Variants in TBCD observed in about 807,000 individuals in gnomAD.
TBCD encodes the protein tubulin folding cofactor D.
Under a neutral mutation model 169.3 loss-of-function variants are expected in TBCD, and 105 were observed. That is an observed-to-expected ratio of 0.62 (90% CI 0.53 to 0.73). The LOEUF is 0.73. TBCD is among the 30% of genes least tolerant of loss of function. TBCD has a pLI of 0.00. For synonymous variants in TBCD, 700 were observed against 643.9 expected (o/e 1.09, Z -1.32); for missense variants, 1,444 against 1,600.1 (o/e 0.90, Z 1.66).
Position 82,923,805 on chromosome 17 carries a change from C to T in TBCD, c.2260+72C>T, listed in dbSNP as rs2061559432. On this transcript the variant is annotated intron_variant, in intron 26 of 38. Transcript: ENST00000355528. The surrounding 1 kb of genome is among the most constrained non-coding windows in gnomAD (Gnocchi z 4.6). ...GAAGCTGCTGGGGAGTGTCTGGGCA[C>T]GGAGGAGGCCTCGGTTGTGCAGTGG... is the stretch of plus-strand genomic sequence containing the variant. The T allele has an allele frequency of 2.2e-5, 29 of 1,305,414 alleles. No homozygotes were observed. The highest frequency in any genetic ancestry group is 2.6e-4 in the Middle Eastern group (1 of 3,882). 80.9% of individuals were successfully genotyped at this position (1,305,414 alleles called of 1,614,324 possible).
chr17:82,857,990 G>A (rs564316464), intron 13 of TBCD, among the ~76,000 whole-genome samples: 4 of 151,930 alleles, frequency 2.6e-5, no homozygotes, highest in African/African-American at 7.3e-5. Flanking sequence ...ACAGCTCACC[G>A]CAGCCTTGAC....
At chr17:82,868,773 C>T (rs2057359787) in intron 13 of TBCD, among the ~76,000 whole-genome samples, 1 of 152,216 alleles carries the variant, frequency 6.6e-6, no homozygotes, top group African/African-American at 2.4e-5. Flanking sequence ...GATAATGTAT[C>T]TGATGACAGT....
chr17:82,902,949 G>A (rs1452505070), intron 18 of TBCD, among the ~76,000 whole-genome samples: 1 of 152,148 alleles, frequency 6.6e-6, no homozygotes, highest in Non-Finnish European at 1.5e-5. Flanking sequence ...TTCGCGGTCC[G>A]CATGTTCAAC....
Position 82,784,208 on chromosome 17 carries a change from CA to C in TBCD, c.771+2491del, listed in dbSNP as rs1373345430. On this transcript the variant is annotated intron_variant, in intron 7 of 38. Transcript: ENST00000355528. The stretch of plus-strand genomic sequence containing the variant: ...CACTAGTTTTTAATAAAATTTTAAA[CA>C]AAATTTGGAATGTTTTCATCTTTCT... 3.3e-5 allele frequency among the ~76,000 whole-genome samples: 5 copies of C among 152,180 alleles called. No homozygotes were observed. The East Asian group carries it at 9.6e-4, about 29-fold the overall frequency.
intron 13 of TBCD, among the ~76,000 whole-genome samples, chr17:82,816,228 C>T (rs2051890593): frequency 6.6e-6 from 1 of 152,196 alleles, no homozygotes; most frequent in East Asian, 1.9e-4. Flanking sequence ...TCCTTCCTTC[C>T]TGTGGCAGAG....
At chr17:82,755,381 A>G (rs1413358975) in intron 1 of TBCD, among the ~76,000 whole-genome samples, 1 of 152,248 alleles carries the variant, frequency 6.6e-6, no homozygotes, top group Non-Finnish European at 1.5e-5. Context: ...GGGATTCTCT[A>G]CAGAATGTAG....
intron 14 of TBCD, among the ~76,000 whole-genome samples, chr17:82,873,758 G>A (rs1253698847): frequency 2.0e-5 from 3 of 152,174 alleles, no homozygotes; most frequent in Non-Finnish European, 4.4e-5. Context: ...GTAGGTCCTG[G>A]TGCAGGCGGG....
At chr17:82,897,086 C>T (rs2059540203) in intron 17 of TBCD, among the ~76,000 whole-genome samples, 2 of 152,110 alleles carry the variant, frequency 1.3e-5, no homozygotes, top group South Asian at 4.1e-4. Flanking sequence ...CGTTTTCTTC[C>T]TGTTGAGAAT....
chr17:82,929,326 T>C (rs1468528252), intron 31 of TBCD, 36 bp from the exon 32 acceptor site: 4 of 1,609,708 alleles, frequency 2.5e-6, no homozygotes, highest in Non-Finnish European at 3.4e-6. Context: ...GCGAGATCAT[T>C]GGCAGCCCGG....
rs150578400 is a variant in TBCD at position 82,849,427 on chromosome 17, G to C, written c.1319-20797G>C. Among the ~76,000 whole-genome samples, 1,238 of 152,338 alleles carry C rather than the reference G, an allele frequency of 8.1e-3. 9 individuals carry two copies. Among genetic ancestry groups the C allele is most frequent in the South Asian group, 0.017 (80 of 4,830 alleles). On this transcript the variant is annotated intron_variant, in intron 13 of 38. Coordinates refer to ENST00000355528, the MANE Select transcript of TBCD (RefSeq NM_005993.5). ...CATTGCAGTGAAATCTTTTCCTTCAGGTATTTCCAGACCTTGGTTTTGGCC... is the reference window on the plus strand; with the variant it reads ...CATTGCAGTGAAATCTTTTCCTTCACGTATTTCCAGACCTTGGTTTTGGCC...
In TBCD at chr17:82,820,964, A is replaced by C. The variant is rs566605810; in HGVS notation, c.1318+6030A>C. Among the ~76,000 whole-genome samples the C allele has an allele frequency of 3.9e-5, 6 of 152,030 alleles. No individual in the cohort carries two copies. In the South Asian group the frequency reaches 1.0e-3, roughly 26 times the overall value. On this transcript the variant is annotated intron_variant, in intron 13 of 38. Transcript: ENST00000355528. Reference sequence around the variant, plus strand: ...TTTCTCTTTAGTTTCTCTTTTAATAATTTCTTTTTGAGACAGGGTCTTGCT... The same window carrying C: ...TTTCTCTTTAGTTTCTCTTTTAATACTTTCTTTTTGAGACAGGGTCTTGCT...
chr17:82,779,926 C>T (rs1021205839), intron 6 of TBCD, among the ~76,000 whole-genome samples: 4 of 152,282 alleles, frequency 2.6e-5, no homozygotes, highest in African/African-American at 7.2e-5. Context: ...GTGTCCCTTC[C>T]GGGAGGTGGC....
chr17:82,891,120 A>C (rs55642464), intron 16 of TBCD, among the ~76,000 whole-genome samples: 1 of 152,148 alleles, frequency 6.6e-6, no homozygotes, highest in Non-Finnish European at 1.5e-5. Flanking sequence ...CCGGGTTCCC[A>C]GATGCTGCTT....
rs148742874 is a variant in TBCD, at chr17:82,789,001, T to C, written c.771+7280T>C. On this transcript the variant is annotated intron_variant, in intron 7 of 38. Coordinates refer to ENST00000355528, the MANE Select transcript of TBCD (RefSeq NM_005993.5). The surrounding 1 kb of genome is among the most constrained non-coding windows in gnomAD (Gnocchi z 4.8). ...AGATTTGGGGAACAGCACCCTACTG[T>C]TTCATTTAGGGTTCAGTGTGGCCAG... Among the ~76,000 whole-genome samples the C allele has an allele frequency of 1.0e-3, 156 of 152,146 alleles. 1 individual carries two copies. The highest frequency in any genetic ancestry group is 3.3e-3 in the African/African-American group (138 of 41,438).
At chr17:82,896,793 T>TTTCA (rs1299912533) in intron 17 of TBCD, among the ~76,000 whole-genome samples, 2 of 152,132 alleles carry the variant, frequency 1.3e-5, no homozygotes, top group Non-Finnish European at 2.9e-5. Context: ...GCCACATGGC[T>TTTCA]TTCGGCGTGA....
chr17:82,830,029 CA>C (rs2053335463), intron 13 of TBCD: 2 of 1,512,662 alleles, frequency 1.3e-6, no homozygotes, highest in Non-Finnish European at 1.8e-6. Context: ...TTTTGAGAAG[CA>C]GCAGCTGCAT....
Position 82,929,231 on chromosome 17 carries a change from C to G in TBCD, c.2812C>G (p.His938Asp), listed in dbSNP as rs772639597. 5 of 1,613,966 alleles carry G rather than the reference C, an allele frequency of 3.1e-6. No individual in the cohort carries two copies. Among genetic ancestry groups the G allele is most frequent in the Non-Finnish European group, 3.4e-6 (4 of 1,179,880 alleles). Reference protein sequence around the residue: ...LLHFDSPPIPHVPHRGELEKL... With the variant: ...LLHFDSPPIPDVPHRGELEKL... ...GCACTTTGACAGCCCTCCCATCCCC[C>G]ACGTGCCCCACCGAGGAGAACTGGA... Residue 938 changes from histidine to aspartate, a missense_variant, in exon 31 of 39, where the codon CAC (histidine) becomes GAC (aspartate). Physicochemically the swap from His to Asp is moderately conservative, Grantham distance 81. Coordinates refer to ENST00000355528, the MANE Select transcript of TBCD (RefSeq NM_005993.5).
Position 82,937,340 on chromosome 17 carries a change from G to A in TBCD, c.3261G>A (p.Lys1087=). Residue 1087 remains lysine, a synonymous_variant, in exon 35 of 39, where the codon AAG becomes AAA. Coordinates refer to ENST00000355528, the MANE Select transcript of TBCD (RefSeq NM_005993.5). ...KEIKNSKDIQ[K]LLSGIAVFCE... ...TCAAGAATTCAAAAGATATCCAGAA[G>A]CTCCTGTCAGGCATCGCAGTGTGAG... 3 of 1,614,004 alleles carry A rather than the reference G, an allele frequency of 1.9e-6. No homozygotes were observed.
At chr17:82,842,563 C>T (rs905532867) in intron 13 of TBCD, among the ~76,000 whole-genome samples, 1 of 152,132 alleles carries the variant, frequency 6.6e-6, no homozygotes, top group Non-Finnish European at 1.5e-5. Context: ...GATCCCATGT[C>T]GTCTTTCTCT....
Sources: gnomAD v4.1 joint callset for allele counts (sites outside exome capture counted in the v4.1 genomes callset) on GRCh38, gnomAD v4.1.1 for gene constraint, Gnocchi (gnomAD v3.1) non-coding constraint, MANE v1.5 for transcripts, NCBI Gene and HGNC (gene_info 2026-07-23, HGNC 2026-07-21) for gene names.